The following ZFPM2 variants were observed in gnomAD, a reference collection of about 807,000 sequenced individuals.
ZFPM2 encodes zinc finger protein ZFPM2.
In ZFPM2, 20 loss-of-function variants were observed where a neutral mutation model predicts 98.6. The ratio of observed to expected loss-of-function variants is 0.20; its 90% CI spans 0.14 to 0.29. The LOEUF is 0.29. ZFPM2 is among the 10% of genes least tolerant of loss of function. The probability of loss-of-function intolerance (pLI) is 1.00; values close to 1 mark genes in which losing one functional copy is unlikely to be tolerated. For missense variants in ZFPM2, 1,310 were observed against 1,388.6 expected, an observed-to-expected ratio of 0.94 and a Z score of 0.90; for synonymous variants, 518 against 502.7, an observed-to-expected ratio of 1.03 and a Z score of -0.41.
chr8:105,803,493 CAAG>C lies in ZFPM2; in HGVS notation c.3415_3417del (p.Lys1139del). 6.2e-7 allele frequency: 1 copy of C among 1,612,566 alleles called. No individual in the cohort carries two copies. Among genetic ancestry groups the C allele is most frequent in the Non-Finnish European group, 8.5e-7 (1 of 1,179,244 alleles). ...ACAACCTTTCAAACTTTATAACTCA[CAAG>C]AAGTTTTATTGCTCATCACATGCAG... On this transcript the variant is annotated inframe_deletion, in exon 8 of 8. Coordinates refer to ENST00000407775, the MANE Select transcript of ZFPM2 (RefSeq NM_012082.4).
At chr8:105,724,104 TA>T (rs776878835) in intron 5 of ZFPM2, among the ~76,000 whole-genome samples, 7 of 151,920 alleles carry the variant, frequency 4.6e-5, no homozygotes, top group Admixed American at 4.6e-4. Flanking sequence ...TGACTTAGAT[TA>T]AAAAAATCAT....
chr8:105,781,863 G>A (rs1457157825), intron 5 of ZFPM2, among the ~76,000 whole-genome samples: 4 of 152,056 alleles, frequency 2.6e-5, no homozygotes, highest in East Asian at 1.9e-4. Context: ...TTGAACCACC[G>A]TATTCTTCCT....
chr8:105,366,352 C>T (rs988832513), intron 1 of ZFPM2, among the ~76,000 whole-genome samples: 3 of 152,100 alleles, frequency 2.0e-5, no homozygotes, highest in Non-Finnish European at 2.9e-5. Flanking sequence ...GGAGAAATCA[C>T]TGAGGAGGCA....
Position 105,801,152 on chromosome 8 carries a change from A to T in ZFPM2, c.1070A>T (p.His357Leu), listed in dbSNP as rs1813990972. 6.2e-7 allele frequency: 1 copy of T among 1,613,806 alleles called. No individual in the cohort carries two copies. The highest frequency in any genetic ancestry group is 1.7e-5 in the Admixed American group (1 of 60,008). Reference protein sequence around the residue: ...VINFHQHLFSHLTQAAFRCNH... With the variant: ...VINFHQHLFSLLTQAAFRCNH... ...AACTTTCACCAACACCTGTTCTCCCATCTCACTCAAGCTGCCTTCCGATGT... is the reference window on the plus strand; with the variant it reads ...AACTTTCACCAACACCTGTTCTCCCTTCTCACTCAAGCTGCCTTCCGATGT... Residue 357 changes from histidine (H) to leucine (L), a missense_variant, in exon 8 of 8, where the codon CAT (histidine) becomes CTT (leucine). By Grantham distance (99) the His-to-Leu change is moderately conservative (BLOSUM62 -3). Transcript: ENST00000407775.
chr8:105,329,722 G>A (rs561044441), intron 1 of ZFPM2, among the ~76,000 whole-genome samples: 1 of 151,796 alleles, frequency 6.6e-6, no homozygotes, highest in South Asian at 2.1e-4. Context: ...GAGAAGCTTA[G>A]GTTAAAAAGT....
chr8:105,355,573 G>T (rs1047453545), intron 1 of ZFPM2, among the ~76,000 whole-genome samples: 1 of 151,834 alleles, frequency 6.6e-6, no homozygotes, highest in African/African-American at 2.4e-5. Context: ...TTTTATGATC[G>T]GAGAGTACTT....
chr8:105,653,492 A>G (rs1342839196), intron 5 of ZFPM2, among the ~76,000 whole-genome samples: 1 of 152,214 alleles, frequency 6.6e-6, no homozygotes, highest in Non-Finnish European at 1.5e-5. Flanking sequence ...CTTAACACAT[A>G]ATGTGCCAAG....
At position 105,320,256 on chromosome 8, in the gene ZFPM2, T is replaced by TTGTGTGTGTG. The variant is rs71305141; in HGVS notation, c.40+1309_40+1318dup. ...TATCAACAGTTAAGTATTCAGATCT[T>TTGTGTGTGTG]TGTGTGTGTGTGTGTGTGTGTGTGT... On this transcript the variant is annotated intron_variant, in intron 1 of 7. Transcript: ENST00000407775. Among the ~76,000 whole-genome samples, 1,305 of 142,336 alleles carry TTGTGTGTGTG rather than the reference T, an allele frequency of 9.2e-3. 5 individuals carry two copies. The highest frequency in any genetic ancestry group is 0.023 in the Admixed American group (322 of 14,234). 93.4% of individuals were successfully genotyped at this position (142,336 alleles called of 152,430 possible).
chr8:105,748,397 T>G (rs1812398600), intron 5 of ZFPM2, among the ~76,000 whole-genome samples: 1 of 152,088 alleles, frequency 6.6e-6, no homozygotes, highest in Admixed American at 6.6e-5. Flanking sequence ...AGGTTTAGAA[T>G]GTAAATGCAT....
In ZFPM2 at chr8:105,340,563, A is replaced by G. The variant is rs1206609594; in HGVS notation, c.40+21582A>G. Among the ~76,000 whole-genome samples the G allele has an allele frequency of 3.9e-5, 6 of 151,986 alleles. No homozygotes were observed. In the East Asian group the frequency reaches 1.2e-3, roughly 29 times the overall value. On this transcript the variant is annotated intron_variant, in intron 1 of 7. Transcript: ENST00000407775. ...ATATAGCTTACTTTAAAAGCAATAA[A>G]TCCATTTAATGTAGTTTTCTTTTTT...
At chr8:105,415,593 T>C (rs1047279069) in intron 1 of ZFPM2, among the ~76,000 whole-genome samples, 1 of 152,070 alleles carries the variant, frequency 6.6e-6, no homozygotes, top group African/African-American at 2.4e-5. Context: ...CTTCATTCCC[T>C]CCTTCATTGG....
intron 5 of ZFPM2, chr8:105,784,765 G>T (rs1421535242): frequency 7.3e-6 from 1 of 136,172 alleles, no homozygotes; most frequent in African/African-American, 3.2e-5. Context: ...TTGCACCCAG[G>T]CAGCCTGGTT....
intron 3 of ZFPM2, among the ~76,000 whole-genome samples, chr8:105,462,719 T>C (rs1466856886): frequency 6.7e-6 from 1 of 148,812 alleles, no homozygotes; most frequent in Non-Finnish European, 1.5e-5. Context: ...ATCAGCACCG[T>C]CATGATCCTT....
chr8:105,589,940 C>T (rs541726571), intron 4 of ZFPM2, among the ~76,000 whole-genome samples: 1 of 152,174 alleles, frequency 6.6e-6, no homozygotes, highest in Non-Finnish European at 1.5e-5. Context: ...CCAGGCTGGT[C>T]TTGAACTCCT....
chr8:105,789,053 T>A (rs1305799089), intron 6 of ZFPM2, 129 bp downstream of exon 6: 3 of 748,070 alleles, frequency 4.0e-6, no homozygotes, highest in Non-Finnish European at 6.0e-6. Context: ...TTTATCTTTT[T>A]TCTTTTTAAA....
intron 3 of ZFPM2, among the ~76,000 whole-genome samples, chr8:105,521,294 C>T (rs1389952930): frequency 1.3e-5 from 2 of 150,350 alleles, no homozygotes; most frequent in Non-Finnish European, 3.0e-5. Context: ...AACTGTACTC[C>T]TAAAAGCAGA....
At chr8:105,731,613 T>A (rs1282664753) in intron 5 of ZFPM2, among the ~76,000 whole-genome samples, 1 of 151,686 alleles carries the variant, frequency 6.6e-6, no homozygotes. Context: ...CATCTTATGA[T>A]TACTGTAAAT....
In ZFPM2 at chr8:105,712,260, A is replaced by T. The variant is rs371202252; in HGVS notation, c.533-76458A>T. ...TTGATTCTACAAATATTTAGTAGTG[A>T]CATGCAGCATAAGCATTGTCACAAG... On this transcript the variant is annotated intron_variant, in intron 5 of 7. Transcript: ENST00000407775. 7.2e-5 allele frequency among the ~76,000 whole-genome samples: 11 copies of T among 152,238 alleles called. No individual in the cohort carries two copies. The East Asian group carries it at 2.1e-3, about 29-fold the overall frequency.
intron 4 of ZFPM2, among the ~76,000 whole-genome samples, chr8:105,625,977 AAAAAAAG>A (rs914505177): frequency 1.3e-4 from 19 of 151,980 alleles, no homozygotes; most frequent in Non-Finnish European, 2.2e-4. Flanking sequence ...TCTGGAAAAA[AAAAAAAG>A]AGAAAGAAAG....
Sources: gnomAD v4.1 joint callset for allele counts (sites outside exome capture counted in the v4.1 genomes callset) on GRCh38, gnomAD v4.1.1 for gene constraint, MANE v1.5 for transcripts, NCBI Gene and HGNC (gene_info 2026-07-23, HGNC 2026-07-21) for gene names.